The following MICAL2 variants were observed in gnomAD, a reference collection of about 807,000 sequenced individuals.
The protein encoded by MICAL2 is microtubule associated monooxygenase, calponin and LIM domain containing 2, also known as [F-actin]-monooxygenase MICAL2.
A neutral mutation model predicts 127.3 loss-of-function variants in MICAL2; 77 were observed. That is an observed-to-expected ratio of 0.60 (90% CI 0.50 to 0.73). The LOEUF (loss-of-function observed/expected upper bound fraction) is 0.73, where lower values mean the gene tolerates loss of function less well. Among genes scored for constraint, MICAL2 ranks in the 30% least tolerant of loss-of-function variants. The pLI, the probability that MICAL2 is intolerant of heterozygous loss-of-function variation, is 0.00. For synonymous variants in MICAL2, 570 were observed against 551.1 expected (o/e 1.03, Z -0.48); for missense variants, 1,351 against 1,434.4 (o/e 0.94, Z 0.94).
intron 1 of MICAL2, among the ~76,000 whole-genome samples, chr11:12,277,715 G>GCT (rs1327664488): frequency 3.3e-5 from 5 of 152,180 alleles, no homozygotes; most frequent in Admixed American, 6.5e-5. Flanking sequence ...AGTTTAAATT[G>GCT]TGTTCTGGGT....
chr11:12,298,593 T>G (rs928934538), intron 29 of MICAL2, among the ~76,000 whole-genome samples: 2 of 152,166 alleles, frequency 1.3e-5, no homozygotes, highest in African/African-American at 4.8e-5. Context: ...CTGCTGGTGT[T>G]TTTCCCAGTT....
At chr11:12,176,711 T>C (rs1856882135) in intron 3 of MICAL2, among the ~76,000 whole-genome samples, 1 of 152,234 alleles carries the variant, frequency 6.6e-6, no homozygotes, top group South Asian at 2.1e-4. Context: ...GTATCTCATA[T>C]GAGTGGAATA....
rs532665814 is a variant in MICAL2 at position 12,318,671 on chromosome 11, G to A, written c.5213-1025G>A. Among the ~76,000 whole-genome samples the A allele has an allele frequency of 7.3e-4, 111 of 152,252 alleles. 1 individual carries two copies. The South Asian group carries it at 0.021, about 29-fold the overall frequency. Reference sequence around the variant, plus strand: ...AGCAAAATAAAGATTAGTAAATTTCGTATCGTGGAGTCCTAGCTGGTCCTG... The same window carrying A: ...AGCAAAATAAAGATTAGTAAATTTCATATCGTGGAGTCCTAGCTGGTCCTG... On this transcript the variant is annotated intron_variant, in intron 29 of 34. Coordinates refer to the MICAL2 transcript ENST00000646065.
chr11:12,189,691 G>A (rs182497739), intron 3 of MICAL2, among the ~76,000 whole-genome samples: 217 of 152,296 alleles, frequency 1.4e-3, no homozygotes, highest in African/African-American at 5.0e-3. Context: ...CCTGGGTCCC[G>A]GAAATCCTGC....
chr11:12,286,018 C>T (rs920840796), intron 2 of MICAL2, among the ~76,000 whole-genome samples: 1 of 152,230 alleles, frequency 6.6e-6, no homozygotes, highest in Non-Finnish European at 1.5e-5. Flanking sequence ...CATCTGCAGG[C>T]CTTGCCTGGG....
chr11:12,115,209 T>C (rs1260850498), intron 1 of MICAL2, among the ~76,000 whole-genome samples: 1 of 152,212 alleles, frequency 6.6e-6, no homozygotes, highest in African/African-American at 2.4e-5. Flanking sequence ...ATTTGTTCTA[T>C]AGAGTTAGCA....
In MICAL2 at chr11:12,241,178, G is replaced by C; in HGVS notation, c.2337+16G>C. 6.2e-7 allele frequency: 1 copy of C among 1,610,166 alleles called. No homozygotes were observed. The highest frequency in any genetic ancestry group is 1.1e-5 in the South Asian group (1 of 90,532). On this transcript the variant is annotated intron_variant, in intron 18 of 27. Transcript: ENST00000683283. ...GAAAAGGCAGGTAGGGCTCCTTCCA[G>C]TGGATGCTGTTTTGGTGAAGCCAGA...
chr11:12,125,420 AT>A (rs1444855619), intron 1 of MICAL2, among the ~76,000 whole-genome samples: 1 of 151,976 alleles, frequency 6.6e-6, no homozygotes, highest in Non-Finnish European at 1.5e-5. Flanking sequence ...TGCCCTGCTA[AT>A]TTTTTTGTAT....
At chr11:12,186,725 G>A (rs868276017) in intron 3 of MICAL2, among the ~76,000 whole-genome samples, 1 of 152,190 alleles carries the variant, frequency 6.6e-6, no homozygotes, top group Non-Finnish European at 1.5e-5. Context: ...GGAGTGCAGA[G>A]AGTGGGAGCT....
downstream of MICAL2, among the ~76,000 whole-genome samples, chr11:12,268,110 A>G (rs565286454): frequency 6.6e-5 from 10 of 152,352 alleles, no homozygotes; most frequent in South Asian, 1.7e-3. Flanking sequence ...ACATGCAGCC[A>G]TCTCGGGCTG....
At chr11:12,292,948 C>T (rs750480401), downstream of MICAL2, among the ~76,000 whole-genome samples, 1 of 152,134 alleles carries the variant, frequency 6.6e-6, no homozygotes, top group Non-Finnish European at 1.5e-5. Flanking sequence ...GGGCCAAGTT[C>T]CTGCATGCTA....
intron 3 of MICAL2, among the ~76,000 whole-genome samples, chr11:12,166,842 G>A (rs1855561341): frequency 6.6e-6 from 1 of 152,164 alleles, no homozygotes. Context: ...TTAATGTGGG[G>A]CTTGGCAGAT....
chr11:12,352,550 A>G (rs16911157), intron 33 of MICAL2, among the ~76,000 whole-genome samples: 7,629 of 152,308 alleles, frequency 0.05, 477 homozygotes, highest in African/African-American at 0.13. Flanking sequence ...GAAAACTTTG[A>G]CATGTGAACT....
chr11:12,304,599 C>T (rs1330348860), intron 29 of MICAL2, among the ~76,000 whole-genome samples: 2 of 151,888 alleles, frequency 1.3e-5, no homozygotes, highest in Non-Finnish European at 2.9e-5. Context: ...CGTGCCATTG[C>T]ACTCCAGCAT....
chr11:12,342,737 A>C (rs373142619), intron 32 of MICAL2, among the ~76,000 whole-genome samples: 1 of 152,176 alleles, frequency 6.6e-6, no homozygotes, highest in Non-Finnish European at 1.5e-5. Context: ...CACCATCCCC[A>C]TTTTCCACAG....
intron 18 of MICAL2, 37 bp downstream of exon 18, chr11:12,241,199 C>T (rs781431193): frequency 1.9e-5 from 31 of 1,594,258 alleles, no homozygotes; most frequent in Non-Finnish European, 2.6e-5. Flanking sequence ...TTTGGTGAAG[C>T]CAGAGGGGAC....
At chr11:12,256,731 T>C (rs1590672009) in intron 23 of MICAL2, 54 bp from the exon 24 acceptor site, 1 of 1,490,858 alleles carries the variant, frequency 6.7e-7, no homozygotes. Flanking sequence ...TGGCCTGGCA[T>C]TTGAAGGCTC....
At chr11:12,249,611 C>A (rs1234107618) in intron 22 of MICAL2, among the ~76,000 whole-genome samples, 1 of 152,240 alleles carries the variant, frequency 6.6e-6, no homozygotes, top group Non-Finnish European at 1.5e-5. Flanking sequence ...GTGGATCCAA[C>A]AGACCACCTC....
At chr11:12,281,032 G>A (rs1309637225) in exon 2 of MICAL2, 7 of 398,916 alleles carry the variant, frequency 1.8e-5, no homozygotes, top group East Asian at 3.6e-5. Context: ...TACCGCACAC[G>A]TCCCTAGGGG....
Sources: allele counts gnomAD v4.1 joint callset (sites outside exome capture counted in the v4.1 genomes callset), GRCh38; gene constraint gnomAD v4.1.1; transcripts MANE v1.5; gene names NCBI Gene and HGNC (gene_info 2026-07-23, HGNC 2026-07-21).